MAGI1: variants seen among roughly 807,000 people sequenced by gnomAD.
MAGI1 encodes the protein membrane associated guanylate kinase, WW and PDZ domain containing 1.
A neutral mutation model predicts 139.9 loss-of-function variants in MAGI1; 58 were observed. The ratio of observed to expected loss-of-function variants is 0.41; its 90% CI spans 0.34 to 0.52. The LOEUF (loss-of-function observed/expected upper bound fraction) is 0.52, where lower values mean the gene tolerates loss of function less well. Ranked by LOEUF, MAGI1 falls within the 20% of genes least tolerant of loss-of-function variation. The pLI is 0.12. For missense variants in MAGI1, 1,874 were observed against 1,901.6 expected, an observed-to-expected ratio of 0.99 and a Z score of 0.27; for synonymous variants, 812 against 737.9, an observed-to-expected ratio of 1.10 and a Z score of -1.63.
intron 1 of MAGI1, among the ~76,000 whole-genome samples, chr3:65,679,712 T>C (rs1443012313): frequency 6.6e-6 from 1 of 152,212 alleles, no homozygotes; most frequent in Non-Finnish European, 1.5e-5. Context: ...CCACGACTCT[T>C]GGTCGGCGGT....
intron 1 of MAGI1, among the ~76,000 whole-genome samples, chr3:65,872,375 C>G (rs1264644964): frequency 1.3e-5 from 2 of 152,210 alleles, no homozygotes; most frequent in Non-Finnish European, 2.9e-5. Flanking sequence ...TTCCTCTCCA[C>G]TGTCTTCCCT....
chr3:65,364,792 A>G, intron 19 of MAGI1, 61 bp downstream of exon 19: 2 of 1,606,756 alleles, frequency 1.2e-6, no homozygotes, highest in Non-Finnish European at 1.7e-6. Flanking sequence ...TCAAGGACAT[A>G]TATTGTCATG....
chr3:65,982,534 T>C (rs150439872), intron 1 of MAGI1, among the ~76,000 whole-genome samples: 528 of 152,322 alleles, frequency 3.5e-3, no homozygotes, highest in African/African-American at 0.012. Context: ...AATGATGGTA[T>C]ATTTTAAATA....
At chr3:65,701,642 A>G (rs913254117) in intron 1 of MAGI1, among the ~76,000 whole-genome samples, 13 of 152,196 alleles carry the variant, frequency 8.5e-5, no homozygotes, top group Admixed American at 5.9e-4. Context: ...GACCCCAAAT[A>G]AAGGCACTTT....
At chr3:65,463,558 A>ATGTGTGTGTGTGTGTGTG (rs56135171) in intron 5 of MAGI1, among the ~76,000 whole-genome samples, 71 of 140,834 alleles carry the variant, frequency 5.0e-4, no homozygotes, top group African/African-American at 1.4e-3. Flanking sequence ...TTGGCCTGAA[A>ATGTGTGTGTGTGTGTGTG]TGTGTGTGTG....
At chr3:65,437,524 G>A (rs1947938106) in intron 9 of MAGI1, among the ~76,000 whole-genome samples, 1 of 151,852 alleles carries the variant, frequency 6.6e-6, no homozygotes, top group African/African-American at 2.4e-5. Flanking sequence ...AAAATGTCAG[G>A]AAAGACATAC....
At chr3:65,533,862 A>G (rs1324602300) in intron 2 of MAGI1, among the ~76,000 whole-genome samples, 1 of 152,140 alleles carries the variant, frequency 6.6e-6, no homozygotes, top group African/African-American at 2.4e-5. Flanking sequence ...ACATCCATCC[A>G]ATCCAAAATT....
At chr3:65,540,692 T>C (rs540015922) in intron 2 of MAGI1, among the ~76,000 whole-genome samples, 1 of 152,332 alleles carries the variant, frequency 6.6e-6, no homozygotes, top group East Asian at 1.9e-4. Flanking sequence ...AAAGAGGTAA[T>C]GATTCATCAG....
intron 1 of MAGI1, among the ~76,000 whole-genome samples, chr3:65,888,134 A>G (rs2060603943): frequency 6.6e-6 from 1 of 152,190 alleles, no homozygotes; most frequent in Non-Finnish European, 1.5e-5. Flanking sequence ...AACAATTCCC[A>G]CTATCCAACC....
intron 22 of MAGI1, among the ~76,000 whole-genome samples, chr3:65,357,664 T>C (rs1221133953): frequency 6.6e-6 from 1 of 152,140 alleles, no homozygotes; most frequent in Non-Finnish European, 1.5e-5. Flanking sequence ...ACATCTTATC[T>C]GGGTGGTGAT....
intron 12 of MAGI1, chr3:65,401,916 C>T: frequency 8.1e-6 from 8 of 984,970 alleles, no homozygotes; most frequent in Non-Finnish European, 9.6e-6. Context: ...CAAAGGAGTA[C>T]ATGGTTAAAA....
intron 12 of MAGI1, among the ~76,000 whole-genome samples, chr3:65,414,381 C>T (rs1018033096): frequency 7.2e-5 from 11 of 152,262 alleles, no homozygotes; most frequent in Admixed American, 5.2e-4. Context: ...ATAGATGTTG[C>T]GTTACATAAG....
intron 1 of MAGI1, among the ~76,000 whole-genome samples, chr3:65,713,984 C>CA (rs2031866873): frequency 6.6e-6 from 1 of 152,076 alleles, no homozygotes; most frequent in Non-Finnish European, 1.5e-5. Flanking sequence ...ACGAAAAGCT[C>CA]AAACAAAAAA....
intron 2 of MAGI1, among the ~76,000 whole-genome samples, chr3:65,539,191 T>C (rs1220288086): frequency 6.6e-6 from 1 of 151,742 alleles, no homozygotes; most frequent in Non-Finnish European, 1.5e-5. Context: ...AACAGGCACA[T>C]GTACAAACTA....
chr3:65,677,959 T>G (rs2087305645), intron 1 of MAGI1, among the ~76,000 whole-genome samples: 1 of 152,214 alleles, frequency 6.6e-6, no homozygotes, highest in Admixed American at 6.5e-5. Context: ...AAAGACAATG[T>G]GGCACATATA....
chr3:65,982,755 C>G (rs1453131194), intron 1 of MAGI1, among the ~76,000 whole-genome samples: 1 of 152,078 alleles, frequency 6.6e-6, no homozygotes, highest in Non-Finnish European at 1.5e-5. Flanking sequence ...TATCTAAGCT[C>G]AGTAGGCACC....
chr3:65,940,080 C>A (rs577666749), intron 1 of MAGI1, among the ~76,000 whole-genome samples: 1 of 152,298 alleles, frequency 6.6e-6, no homozygotes, highest in East Asian at 1.9e-4. Context: ...CACTGGCAAA[C>A]ATGTGCCAGG....
At chr3:65,781,377 T>C (rs1420701764) in intron 1 of MAGI1, among the ~76,000 whole-genome samples, 1 of 152,190 alleles carries the variant, frequency 6.6e-6, no homozygotes, top group African/African-American at 2.4e-5. Flanking sequence ...TCTGAACATT[T>C]GATTGTTTCA....
chr3:65,734,505 G>GAGAGAGAAAGAA (rs11276423), intron 1 of MAGI1, among the ~76,000 whole-genome samples: 45,898 of 140,124 alleles, frequency 0.33, 7,789 homozygotes, highest in African/African-American at 0.39. Flanking sequence ...GAAAGAGGAA[G>GAGAGAGAAAGAA]AGAGAGAAAG....
Sources: allele counts gnomAD v4.1 joint callset (sites outside exome capture counted in the v4.1 genomes callset), GRCh38; gene constraint gnomAD v4.1.1; transcripts MANE v1.5; gene names NCBI Gene and HGNC (gene_info 2026-07-23, HGNC 2026-07-21).